The following SYNE1 variants were observed in gnomAD, a reference collection of about 807,000 sequenced individuals.
SYNE1 encodes nesprin-1.
A neutral mutation model predicts 1,111.0 loss-of-function variants in SYNE1; 616 were observed. That is an observed-to-expected ratio of 0.55 (90% CI 0.52 to 0.59). The LOEUF (loss-of-function observed/expected upper bound fraction) is 0.59. Ranked by LOEUF, SYNE1 falls within the 20% of genes least tolerant of loss-of-function variation. The pLI, the probability that SYNE1 is intolerant of heterozygous loss-of-function variation, is 0.00. For synonymous variants in SYNE1, 3,855 were observed against 3,825.8 expected (o/e 1.01, Z -0.28); for missense variants, 10,006 against 10,417.0 (o/e 0.96, Z 1.72).
chr6:152,189,555 A>G (rs1251810117), intron 127 of SYNE1, 148 bp from the exon 128 acceptor site: 3 of 731,680 alleles, frequency 4.1e-6, no homozygotes, highest in African/African-American at 1.8e-5. Context: ...TCATGGCAAT[A>G]TTACAGATTT....
chr6:152,189,033 C>A, intron 128 of SYNE1, among the ~76,000 whole-genome samples: 3 of 93,378 alleles, frequency 3.2e-5, no homozygotes, highest in Admixed American at 1.3e-4. Context: ...TGCCAGCCAG[C>A]AAAAGTGAAA....
In SYNE1 at chr6:152,381,278, C is replaced by A. The variant is rs151300068; in HGVS notation, c.8737G>T (p.Ala2913Ser). 2.5e-5 allele frequency: 40 copies of A among 1,614,236 alleles called. No individual in the cohort carries two copies. In the African/African-American group the frequency reaches 4.7e-4, roughly 19 times the overall value. ...LAPEVKQNTT[A>S]SGCELMHTEM... ...GTGTGCATGAGCTCACACCCACTGG[C>A]AGTTGTGTTCTGTTTCACTTCGGGA... The change falls in exon 56 of 146, where the codon GCC (alanine) becomes TCC (serine). Residue 2913 changes from alanine (A) to serine (S), a missense_variant. Physicochemically the swap from Ala to Ser is moderately conservative, Grantham distance 99. Around this residue, in one of 7 missense-constraint regions of SYNE1, gnomAD observed 4,955 missense variants for 5,017.2 expected, o/e 0.99. Coordinates refer to ENST00000367255, the MANE Select transcript of SYNE1 (RefSeq NM_182961.4).
In SYNE1 at chr6:152,373,068, G is replaced by C; in HGVS notation, c.9476C>G (p.Ser3159Ter). Residue 3159 changes from serine (S) to a stop codon, truncating the protein, a stop_gained, in exon 59 of 146, where the codon TCA becomes TGA. Coordinates refer to ENST00000367255, the MANE Select transcript of SYNE1 (RefSeq NM_182961.4). LOFTEE classifies it high-confidence loss of function. ...AAKEDWKNFH[S>*]NLHQKESALE... ...AGCAGATTCTTTTTGGTGGAGATTT[G>C]AATGAAAATTTTTCCAATCTTCTTT... is the stretch of plus-strand genomic sequence containing the variant. 6.2e-7 allele frequency: 1 copy of C among 1,614,094 alleles called. No individual in the cohort carries two copies. The highest frequency in any genetic ancestry group is 8.5e-7 in the Non-Finnish European group (1 of 1,179,998).
In SYNE1 at chr6:152,256,621, A is replaced by G. The variant is rs1394585476; in HGVS notation, c.19104+13T>C. On this transcript the variant is annotated intron_variant, in intron 102 of 145. Coordinates refer to ENST00000367255, the MANE Select transcript of SYNE1 (RefSeq NM_182961.4). ...TATAAACCAAGCCAAACACACTGATAACACAGCCTTACCTGGGATGAAACC... is the reference window on the plus strand; with the variant it reads ...TATAAACCAAGCCAAACACACTGATGACACAGCCTTACCTGGGATGAAACC... The G allele has an allele frequency of 4.3e-6, 7 of 1,613,014 alleles. No homozygotes were observed.
intron 3 of SYNE1, 122 bp from the exon 4 acceptor site, chr6:152,540,143 A>C (rs2099262469): frequency 1.2e-5 from 12 of 983,308 alleles, no homozygotes; most frequent in Non-Finnish European, 1.4e-5. Context: ...TCATTTTACC[A>C]ATTATTGTCT....
rs2099035255 is a variant in SYNE1, at chr6:152,502,543, C to T, written c.888+90G>A. On this transcript the variant is annotated intron_variant, in intron 10 of 145. Coordinates refer to ENST00000367255, the MANE Select transcript of SYNE1 (RefSeq NM_182961.4). Reference sequence around the variant, plus strand: ...AGTTGGTCTCATATTAAAATGCATTCAAATTTAATTTTTTGAGAACAGTAT... The same window carrying T: ...AGTTGGTCTCATATTAAAATGCATTTAAATTTAATTTTTTGAGAACAGTAT... 3.0e-6 allele frequency: 3 copies of T among 1,010,070 alleles called. No individual in the cohort carries two copies. In the African/African-American group the frequency reaches 4.8e-5, roughly 16 times the overall value. 62.6% of individuals were successfully genotyped at this position (1,010,070 alleles called of 1,614,324 possible).
chr6:152,318,206 C>T lies in SYNE1; in HGVS notation c.16447G>A (p.Val5483Ile), dbSNP rs1163949474. Reference sequence around the variant, plus strand: ...CCATTCTGTTCCAAGAATTTCTGTACTGCTGCATCTAATTCCATTAACTTT... The same window carrying T: ...CCATTCTGTTCCAAGAATTTCTGTATTGCTGCATCTAATTCCATTAACTTT... ...NSKLMELDAA[V>I]QKFLEQNGQL... Residue 5483 changes from valine (V) to isoleucine (I), a missense_variant, in exon 86 of 146, where the codon GTA becomes ATA. Around this residue, in one of 7 missense-constraint regions of SYNE1, gnomAD observed 4,955 missense variants for 5,017.2 expected, o/e 0.99. Coordinates refer to ENST00000367255, the MANE Select transcript of SYNE1 (RefSeq NM_182961.4). The T allele has an allele frequency of 6.2e-7, 1 of 1,614,178 alleles. No individual in the cohort carries two copies. The highest frequency in any genetic ancestry group is 8.5e-7 in the Non-Finnish European group (1 of 1,180,044).
At chr6:152,266,136 A>T (rs1412831516) in intron 100 of SYNE1, among the ~76,000 whole-genome samples, 3 of 152,134 alleles carry the variant, frequency 2.0e-5, no homozygotes, top group Non-Finnish European at 2.9e-5. Context: ...TTTAAAGTGG[A>T]TCTTATATAG....
intron 53 of SYNE1, 97 bp downstream of exon 53, chr6:152,390,183 G>C (rs2097585505): frequency 2.3e-6 from 3 of 1,327,998 alleles, no homozygotes; most frequent in Non-Finnish European, 3.2e-6. Flanking sequence ...ACAGTAAAAT[G>C]CTTGGGAATT....
rs777108375 is a variant in SYNE1 at position 152,409,717 on chromosome 6, G to A, written c.6231-8C>T. On this transcript the variant is annotated splice_region_variant and splice_polypyrimidine_tract_variant and intron_variant, in intron 42 of 145. Coordinates refer to ENST00000367255, the MANE Select transcript of SYNE1 (RefSeq NM_182961.4). ...CCACAGCACTGACCCTGACTGTAAT[G>A]ATTAAAGAAAATATATTATTTGGTG... 35 of 1,612,958 alleles carry A rather than the reference G, an allele frequency of 2.2e-5. No individual in the cohort carries two copies. In the South Asian group the frequency reaches 3.7e-4, roughly 17 times the overall value.
chr6:152,563,345 C>G (rs553949535), intron 3 of SYNE1, among the ~76,000 whole-genome samples: 13 of 152,238 alleles, frequency 8.5e-5, no homozygotes, highest in East Asian at 1.9e-4. Context: ...ATCCTTACCC[C>G]CTGCTTACTA....
chr6:152,200,052 T>G (rs1467166712), intron 127 of SYNE1, among the ~76,000 whole-genome samples: 1 of 152,094 alleles, frequency 6.6e-6, no homozygotes. Flanking sequence ...GATTTTCCAC[T>G]TTTCACACCG....
At chr6:152,580,121 A>C (rs1039614217) in intron 3 of SYNE1, among the ~76,000 whole-genome samples, 1 of 152,222 alleles carries the variant, frequency 6.6e-6, no homozygotes, top group African/African-American at 2.4e-5. Context: ...ACTGATTTAC[A>C]TTCCCACCAG....
intron 8 of SYNE1, 113 bp from the exon 9 acceptor site, chr6:152,505,510 A>G: frequency 1.7e-6 from 2 of 1,169,884 alleles, no homozygotes; most frequent in South Asian, 1.3e-5. Context: ...AGAGAGCTGT[A>G]TCAGTTCATT....
At chr6:152,240,275 G>C (rs542790151) in intron 107 of SYNE1, among the ~76,000 whole-genome samples, 42 of 150,826 alleles carry the variant, frequency 2.8e-4, no homozygotes, top group Non-Finnish European at 5.3e-4. Flanking sequence ...TTGGAGCTCT[G>C]GTTGGAGACT....
intron 95 of SYNE1, among the ~76,000 whole-genome samples, chr6:152,287,909 C>A (rs1023752667): frequency 6.6e-6 from 1 of 152,108 alleles, no homozygotes; most frequent in East Asian, 1.9e-4. Flanking sequence ...ATTTTTAAAA[C>A]GTGATTGCAA....
At chr6:152,181,448 T>C (rs908370034) in intron 128 of SYNE1, among the ~76,000 whole-genome samples, 1 of 152,064 alleles carries the variant, frequency 6.6e-6, no homozygotes, top group African/African-American at 2.4e-5. Flanking sequence ...ATGAAAACCT[T>C]GTAGCCATCA....
At chr6:152,567,664 G>A (rs2099418506) in intron 3 of SYNE1, among the ~76,000 whole-genome samples, 1 of 151,972 alleles carries the variant, frequency 6.6e-6, no homozygotes, top group South Asian at 2.1e-4. Context: ...CAGTAACTTT[G>A]CACTTACAGA....
At position 152,323,563 on chromosome 6, in the gene SYNE1, T is replaced by C; in HGVS notation, c.15832A>G (p.Met5278Val). ...LGMLRQQTLS[M>V]LQDGAAPTPG... Reference sequence around the variant, plus strand: ...GTTGGGGCGGCTCCATCCTGGAGCATGCTCAGGGTTTGCTGCCGCAGCATG... The same window carrying C: ...GTTGGGGCGGCTCCATCCTGGAGCACGCTCAGGGTTTGCTGCCGCAGCATG... The change falls in exon 82 of 146, where the codon ATG becomes GTG. Residue 5278 changes from methionine (M) to valine (V), a missense_variant. Met to Val is a conservative substitution (Grantham distance 21). Around this residue, in one of 7 missense-constraint regions of SYNE1, gnomAD observed 4,955 missense variants for 5,017.2 expected, o/e 0.99. Coordinates refer to ENST00000367255, the MANE Select transcript of SYNE1 (RefSeq NM_182961.4). The C allele has an allele frequency of 1.2e-6, 2 of 1,614,232 alleles. No individual in the cohort carries two copies. Among genetic ancestry groups the C allele is most frequent in the Admixed American group, 1.7e-5 (1 of 60,030 alleles).
Sources: allele counts gnomAD v4.1 joint callset (sites outside exome capture counted in the v4.1 genomes callset), GRCh38; gene constraint gnomAD v4.1.1; regional missense constraint gnomAD v4.1.1; transcripts MANE v1.5; gene names NCBI Gene and HGNC (gene_info 2026-07-23, HGNC 2026-07-21).